The following MYO1D variants were observed in gnomAD, a reference collection of about 807,000 sequenced individuals.
MYO1D encodes the protein unconventional myosin-Id.
Under a neutral mutation model 122.0 loss-of-function variants are expected in MYO1D, and 83 were observed. That is an observed-to-expected ratio of 0.68 (90% CI 0.57 to 0.82). The LOEUF (loss-of-function observed/expected upper bound fraction) is 0.82. MYO1D is among the 40% of genes least tolerant of loss of function. The pLI is 0.00. For synonymous variants in MYO1D, 464 were observed against 446.9 expected (o/e 1.04, Z -0.48); for missense variants, 1,157 against 1,269.5 (o/e 0.91, Z 1.35).
At chr17:32,854,198 A>G (rs1208928575) in intron 1 of MYO1D, among the ~76,000 whole-genome samples, 2 of 152,258 alleles carry the variant, frequency 1.3e-5, no homozygotes, top group Admixed American at 6.5e-5. Context: ...AATTGCAAGC[A>G]TAGGCAATAG....
chr17:32,790,493 T>C (rs116674167), intron 1 of MYO1D, among the ~76,000 whole-genome samples: 3,792 of 152,330 alleles, frequency 0.025, 162 homozygotes, highest in African/African-American at 0.085. Flanking sequence ...ACAAGTTGTT[T>C]TTTGTTTACT....
chr17:32,825,790 C>A lies in MYO1D; in HGVS notation c.96-45006G>T, dbSNP rs141191372. ...TGGTAGCTCATGCCTCTAATCCCAG[C>A]ACTCTGGAAGACCCAGGCGGGAAGA... On this transcript the variant is annotated intron_variant, in intron 1 of 21. Coordinates refer to ENST00000318217, the MANE Select transcript of MYO1D (RefSeq NM_015194.3). Among the ~76,000 whole-genome samples the A allele has an allele frequency of 1.1e-3, 173 of 152,244 alleles. 1 individual carries two copies. Among genetic ancestry groups the A allele is most frequent in the Middle Eastern group, 0.01 (3 of 292 alleles).
At chr17:32,547,758 C>T (rs2150882205) in intron 21 of MYO1D, among the ~76,000 whole-genome samples, 1 of 151,700 alleles carries the variant, frequency 6.6e-6, no homozygotes, top group East Asian at 2.0e-4. Context: ...ACCAGCCTGG[C>T]CAACATGGCG....
chr17:32,844,342 ATATT>A, intron 1 of MYO1D, among the ~76,000 whole-genome samples: 1 of 146,514 alleles, frequency 6.8e-6, no homozygotes, highest in East Asian at 2.0e-4. Context: ...GTATATGTAT[ATATT>A]ATATGTGTAT....
rs757810322 is a variant in MYO1D, at chr17:32,760,304, T to TCCC, written c.1279_1281dup (p.Gly427dup). The TCCC allele has an allele frequency of 2.3e-5, 37 of 1,609,018 alleles. No homozygotes were observed. Among genetic ancestry groups the TCCC allele is most frequent in the Non-Finnish European group, 1.4e-5 (17 of 1,176,288 alleles). On this transcript the variant is annotated inframe_insertion, in exon 10 of 22. Coordinates refer to ENST00000318217, the MANE Select transcript of MYO1D (RefSeq NM_015194.3). The stretch of plus-strand genomic sequence containing the variant: ...AGTCCACTCACATGTTTCCAGGGGA[T>TCCC]CCCTTCCCGCTGGTATTCCTCTTGT...
At chr17:32,621,258 G>A (rs573673842) in intron 20 of MYO1D, among the ~76,000 whole-genome samples, 3 of 152,130 alleles carry the variant, frequency 2.0e-5, no homozygotes, top group East Asian at 1.9e-4. Flanking sequence ...CAGCCTGTAC[G>A]TATGAGCCTC....
At chr17:32,609,972 C>T (rs1435813182) in intron 20 of MYO1D, among the ~76,000 whole-genome samples, 1 of 152,180 alleles carries the variant, frequency 6.6e-6, no homozygotes, top group Non-Finnish European at 1.5e-5. Flanking sequence ...ACGCTTCACT[C>T]TCATTTCATT....
intron 1 of MYO1D, among the ~76,000 whole-genome samples, chr17:32,831,277 T>C (rs1486479552): frequency 2.0e-5 from 3 of 152,156 alleles, no homozygotes; most frequent in Non-Finnish European, 2.9e-5. Flanking sequence ...TGATATTCGC[T>C]TGGAGGAGAA....
At chr17:32,596,881 T>C (rs542175614) in intron 21 of MYO1D, among the ~76,000 whole-genome samples, 2 of 152,160 alleles carry the variant, frequency 1.3e-5, no homozygotes, top group African/African-American at 4.8e-5. Context: ...TGTTTAGTAG[T>C]GGGCAGAAAA....
chr17:32,651,769 G>A (rs1046231918), intron 19 of MYO1D, among the ~76,000 whole-genome samples: 6 of 150,296 alleles, frequency 4.0e-5, no homozygotes, highest in Non-Finnish European at 8.9e-5. Context: ...TCTGCTTCCC[G>A]GGTTCAAGCA....
At chr17:32,535,399 A>G (rs1255245854) in intron 21 of MYO1D, among the ~76,000 whole-genome samples, 1 of 152,240 alleles carries the variant, frequency 6.6e-6, no homozygotes, top group African/African-American at 2.4e-5. Context: ...TTTTTGAAAC[A>G]TAGGCTTCAA....
At chr17:32,834,785 G>A (rs1041143238) in intron 1 of MYO1D, among the ~76,000 whole-genome samples, 5 of 152,168 alleles carry the variant, frequency 3.3e-5, no homozygotes, top group African/African-American at 4.8e-5. Context: ...AGGCCGAGGC[G>A]GGCAGATCAC....
intron 3 of MYO1D, 111 bp downstream of exon 3, chr17:32,778,369 G>A: frequency 2.2e-6 from 2 of 891,124 alleles, no homozygotes; most frequent in African/African-American, 1.7e-5. Context: ...AAAATGCTCA[G>A]CCCATAGGTT....
At chr17:32,604,296 G>A (rs2087599622) in intron 21 of MYO1D, among the ~76,000 whole-genome samples, 1 of 152,178 alleles carries the variant, frequency 6.6e-6, no homozygotes, top group African/African-American at 2.4e-5. Flanking sequence ...CTTAGTCACT[G>A]ATTTTGATGA....
chr17:32,845,543 C>T (rs2090928725), intron 1 of MYO1D, among the ~76,000 whole-genome samples: 1 of 151,470 alleles, frequency 6.6e-6, no homozygotes, highest in African/African-American at 2.4e-5. Flanking sequence ...TATAATTCCC[C>T]CTTATAAGAT....
At chr17:32,715,159 A>G (rs1040333378) in intron 15 of MYO1D, among the ~76,000 whole-genome samples, 8 of 152,208 alleles carry the variant, frequency 5.3e-5, no homozygotes, top group African/African-American at 1.9e-4. Flanking sequence ...AAGTCAAGAA[A>G]CAACAAATGC....
At chr17:32,831,733 T>G (rs547414769) in intron 1 of MYO1D, among the ~76,000 whole-genome samples, 1 of 152,340 alleles carries the variant, frequency 6.6e-6, no homozygotes, top group South Asian at 2.1e-4. Context: ...AGAATAAGAT[T>G]ACTTTTCTAC....
chr17:32,558,403 G>T (rs2087086904), intron 21 of MYO1D, among the ~76,000 whole-genome samples: 1 of 152,200 alleles, frequency 6.6e-6, no homozygotes, highest in Admixed American at 6.5e-5. Context: ...ACACCTTATG[G>T]AAGCACATTA....
intron 14 of MYO1D, among the ~76,000 whole-genome samples, chr17:32,737,784 C>G (rs1227508508): frequency 6.6e-6 from 1 of 152,200 alleles, no homozygotes; most frequent in Non-Finnish European, 1.5e-5. Context: ...CTTTATATTT[C>G]AATTATTTAA....
Sources: gnomAD v4.1 joint callset for allele counts (sites outside exome capture counted in the v4.1 genomes callset) on GRCh38, gnomAD v4.1.1 for gene constraint, MANE v1.5 for transcripts, NCBI Gene and HGNC (gene_info 2026-07-23, HGNC 2026-07-21) for gene names.